The following SLC41A3 variants were observed in gnomAD, a reference collection of about 807,000 sequenced individuals.
SLC41A3 encodes the protein solute carrier family 41 member 3.
In SLC41A3, 44 loss-of-function variants were observed where a neutral mutation model predicts 45.4. That is an observed-to-expected ratio of 0.97 (90% CI 0.76 to 1.25). SLC41A3 has a LOEUF of 1.25. Among genes scored for constraint, SLC41A3 ranks in the 50% most tolerant of loss-of-function variants. The pLI, the probability that SLC41A3 is intolerant of heterozygous loss-of-function variation, is 0.00. For missense variants in SLC41A3, 550 were observed against 600.6 expected, an observed-to-expected ratio of 0.92 and a Z score of 0.88; for synonymous variants, 256 against 252.4, an observed-to-expected ratio of 1.01 and a Z score of -0.13.
chr3:126,051,081 A>G, intron 2 of SLC41A3, 31 bp from the exon 3 acceptor site: 2 of 1,551,444 alleles, frequency 1.3e-6, no homozygotes, highest in African/African-American at 1.4e-5. Context: ...AGATAAGCCA[A>G]ACACACACAT....
intron 6 of SLC41A3, among the ~76,000 whole-genome samples, chr3:126,017,955 T>C (rs1452388964): frequency 6.6e-6 from 1 of 152,192 alleles, no homozygotes; most frequent in Non-Finnish European, 1.5e-5. Context: ...TGCAGAAGCA[T>C]CACCTTATAC....
chr3:126,074,432 T>C lies in SLC41A3; in HGVS notation c.-27-6186A>G, dbSNP rs371159149. ...CTATTAAACACTGTACCTGAGGTTCTAGCCAGCACAATTCAGCAAGGAAAA... is the reference window on the plus strand; with the variant it reads ...CTATTAAACACTGTACCTGAGGTTCCAGCCAGCACAATTCAGCAAGGAAAA... On this transcript the variant is annotated intron_variant, in intron 1 of 10. Transcript: ENST00000360370. Among the ~76,000 whole-genome samples, 21 of 152,142 alleles carry C rather than the reference T, an allele frequency of 1.4e-4. 1 individual carries two copies. In the South Asian group the frequency reaches 2.5e-3, roughly 18 times the overall value.
At chr3:126,081,133 AT>A (rs1945128494) in intron 1 of SLC41A3, among the ~76,000 whole-genome samples, 1 of 152,240 alleles carries the variant, frequency 6.6e-6, no homozygotes, top group African/African-American at 2.4e-5. Context: ...AGATGAAAGG[AT>A]AAAGAAGATG....
At chr3:126,059,263 G>GAAGAAAGAAAGAAAGAAAGA (rs1553740748) in intron 2 of SLC41A3, among the ~76,000 whole-genome samples, 3 of 11,742 alleles carry the variant, frequency 2.6e-4, no homozygotes, top group African/African-American at 1.2e-3. Context: ...AAGAAAGAAA[G>GAAGAAAGAAAGAAAGAAAGA]AAGAAAGAAA....
chr3:126,063,421 C>G (rs1202121730), intron 2 of SLC41A3, among the ~76,000 whole-genome samples: 1 of 152,168 alleles, frequency 6.6e-6, no homozygotes, highest in East Asian at 1.9e-4. Flanking sequence ...CAGGGGAAGG[C>G]TGCTGCTTCC....
At chr3:126,097,381 G>A (rs1165993088) in intron 1 of SLC41A3, among the ~76,000 whole-genome samples, 1 of 152,130 alleles carries the variant, frequency 6.6e-6, no homozygotes, top group Non-Finnish European at 1.5e-5. Flanking sequence ...GGACTACCAG[G>A]AAATGGCCTC....
chr3:126,065,178 T>G (rs373342593), intron 2 of SLC41A3, among the ~76,000 whole-genome samples: 2 of 152,302 alleles, frequency 1.3e-5, no homozygotes, highest in Admixed American at 6.5e-5. Context: ...CAGAGCCTCA[T>G]GAAGAGAATG....
At position 126,007,213 on chromosome 3, in the gene SLC41A3, G is replaced by A; in HGVS notation, c.1267C>T (p.Leu423=). The A allele has an allele frequency of 6.2e-7, 1 of 1,613,922 alleles. No homozygotes were observed. The highest frequency in any genetic ancestry group is 8.5e-7 in the Non-Finnish European group (1 of 1,179,854). The part of the protein sequence containing the change: ...LAGLIQVTIL[L]YLAEVMVRLT... ...CGAACCATCACTTCTGCGAGGTACA[G>A]CAGGATTGTCACCTGTCAGAAGGGC... Residue 423 remains leucine (L), a synonymous_variant, in exon 11 of 11, where the codon CTG becomes TTG. Coordinates refer to ENST00000360370, the MANE Select transcript of SLC41A3 (RefSeq NM_017836.4).
chr3:126,011,104 C>T (rs369191067), intron 9 of SLC41A3, among the ~76,000 whole-genome samples: 10 of 152,186 alleles, frequency 6.6e-5, no homozygotes, highest in African/African-American at 1.2e-4. Flanking sequence ...ACGACACAGA[C>T]GTCAGCATCA....
intron 2 of SLC41A3, among the ~76,000 whole-genome samples, chr3:126,055,889 G>C (rs139699652): frequency 3.3e-5 from 5 of 152,182 alleles, no homozygotes; most frequent in African/African-American, 1.2e-4. Context: ...CTGCGGGCTG[G>C]GCACACTGCA....
chr3:126,050,967 T>C lies in SLC41A3; in HGVS notation c.357A>G (p.Thr119=). The C allele has an allele frequency of 6.2e-7, 1 of 1,612,842 alleles. No individual in the cohort carries two copies. ...CAGCTGTGGAGAGTCTGGATGCCAG[T>C]GTCATCTCCAGGTTCCCCTTCAGGC... The part of the protein sequence containing the change: ...LVGLKGNLEM[T]LASRLSTAAN... Residue 119 remains threonine (T), a synonymous_variant, in exon 3 of 11, where the codon ACA becomes ACG. Coordinates refer to ENST00000360370, the MANE Select transcript of SLC41A3 (RefSeq NM_017836.4).
intron 3 of SLC41A3, among the ~76,000 whole-genome samples, chr3:126,037,302 C>T (rs1204574500): frequency 1.3e-5 from 2 of 152,194 alleles, no homozygotes; most frequent in Non-Finnish European, 2.9e-5. Context: ...GATTCTTGTA[C>T]AGCCTGTAGA....
intron 2 of SLC41A3, chr3:126,057,109 C>T: frequency 1.0e-6 from 1 of 987,374 alleles, no homozygotes; most frequent in Non-Finnish European, 1.2e-6. Context: ...CCTCCTCAGG[C>T]CAGCTCTACA....
chr3:126,015,470 C>T (rs770035930), intron 8 of SLC41A3, 24 bp downstream of exon 8: 1 of 1,613,608 alleles, frequency 6.2e-7, no homozygotes, highest in South Asian at 1.1e-5. Context: ...CCAGGGACCA[C>T]ATGGGAACCC....
At chr3:126,033,719 C>T in intron 3 of SLC41A3, 41 bp from the exon 4 acceptor site, 1 of 1,594,126 alleles carries the variant, frequency 6.3e-7, no homozygotes, top group Non-Finnish European at 8.6e-7. Context: ...ACTGGCTAGG[C>T]CCAAAGCCAG....
intron 7 of SLC41A3, 107 bp from the exon 8 acceptor site, chr3:126,015,680 G>A: frequency 9.3e-7 from 1 of 1,070,726 alleles, no homozygotes; most frequent in Admixed American, 1.8e-5. Context: ...ATCCTTGGCT[G>A]TCACTCTCCT....
At chr3:126,063,391 G>A (rs1182087640) in intron 2 of SLC41A3, among the ~76,000 whole-genome samples, 3 of 152,218 alleles carry the variant, frequency 2.0e-5, no homozygotes, top group Admixed American at 6.5e-5. Context: ...GGGTGCTGCC[G>A]TGTAATATGC....
At chr3:126,036,651 C>T (rs572443340) in intron 3 of SLC41A3, among the ~76,000 whole-genome samples, 24 of 142,448 alleles carry the variant, frequency 1.7e-4, no homozygotes, top group African/African-American at 4.2e-4. Context: ...CCTGAAACTC[C>T]GCTCACTGCC....
At chr3:126,051,096 A>C (rs1943304768) in intron 2 of SLC41A3, 46 bp from the exon 3 acceptor site, 1 of 1,489,984 alleles carries the variant, frequency 6.7e-7, no homozygotes, top group African/African-American at 1.4e-5. Flanking sequence ...ACACATCAGC[A>C]AATCTCTGGA....
Sources: allele counts gnomAD v4.1 joint callset (sites outside exome capture counted in the v4.1 genomes callset), GRCh38; gene constraint gnomAD v4.1.1; transcripts MANE v1.5; gene names NCBI Gene and HGNC (gene_info 2026-07-23, HGNC 2026-07-21).